The following KIRREL1 variants were observed in gnomAD, a reference collection of about 807,000 sequenced individuals.
The protein encoded by KIRREL1 is kirre like nephrin family adhesion molecule 1.
Under a neutral mutation model 83.3 loss-of-function variants are expected in KIRREL1, and 25 were observed. The ratio of observed to expected loss-of-function variants is 0.30; its 90% CI spans 0.22 to 0.42. The LOEUF is 0.42. KIRREL1 is among the 10% of genes least tolerant of loss of function. The pLI is 1.00. For synonymous variants in KIRREL1, 388 were observed against 410.4 expected, an observed-to-expected ratio of 0.95 and a Z score of 0.66; for missense variants, 812 against 1,032.3, an observed-to-expected ratio of 0.79 and a Z score of 2.92.
chr1:158,055,162 G>A (rs905419129), intron 1 of KIRREL1, among the ~76,000 whole-genome samples: 1 of 152,096 alleles, frequency 6.6e-6, no homozygotes, highest in Non-Finnish European at 1.5e-5. Context: ...GAACAAAGAA[G>A]CCTGGGGTTG....
intron 1 of KIRREL1, among the ~76,000 whole-genome samples, chr1:158,026,867 C>A (rs528782493): frequency 4.3e-4 from 66 of 152,020 alleles, no homozygotes; most frequent in Non-Finnish European, 7.9e-4. Flanking sequence ...TGCTCTGCAC[C>A]CCCCCACCCC....
In KIRREL1 at chr1:158,099,363, C is replaced by T. The variant is rs1205354772; in HGVS notation, c.*4243C>T. ...CTTCTCTTGGCCTCCTCCTATCCCCCTATGGTATTTCTCCTCCTCTCCTCA... is the reference window on the plus strand; with the variant it reads ...CTTCTCTTGGCCTCCTCCTATCCCCTTATGGTATTTCTCCTCCTCTCCTCA... On this transcript the variant is annotated 3_prime_UTR_variant, in exon 15 of 15. Transcript: ENST00000359209. 6.6e-6 allele frequency: 1 copy of T among 152,238 alleles called. No homozygotes were observed. The highest frequency in any genetic ancestry group is 2.4e-5 in the African/African-American group (1 of 41,442). 9.4% of individuals were successfully genotyped at this position (152,238 alleles called of 1,614,324 possible).
chr1:158,016,581 T>A (rs1659832370), intron 1 of KIRREL1, among the ~76,000 whole-genome samples: 2 of 152,190 alleles, frequency 1.3e-5, no homozygotes, highest in African/African-American at 4.8e-5. Context: ...ATAATAATGA[T>A]GATAAATAAT....
rs1373348823 is a variant in KIRREL1 at position 158,094,427 on chromosome 1, G to T, written c.1797+37G>T. On this transcript the variant is annotated intron_variant, in intron 14 of 14. Transcript: ENST00000359209. This position sits in a 1 kb window ranked among gnomAD's most constrained non-coding sequence, Gnocchi z 4.6. The stretch of plus-strand genomic sequence containing the variant: ...GGAAGGGGCCAGGGCATGAGGGCTG[G>T]TGGGCCAGTGGGTTTCTGAGGTCCT... The T allele has an allele frequency of 5.7e-6, 9 of 1,588,210 alleles. No individual in the cohort carries two copies. The highest frequency in any genetic ancestry group is 6.9e-6 in the Non-Finnish European group (8 of 1,159,556).
chr1:158,004,031 G>C (rs1659446901), intron 1 of KIRREL1, among the ~76,000 whole-genome samples: 1 of 152,130 alleles, frequency 6.6e-6, no homozygotes, highest in South Asian at 2.1e-4. Flanking sequence ...CACCTAGAGT[G>C]ACCTCCTCAC....
intron 4 of KIRREL1, among the ~76,000 whole-genome samples, chr1:158,085,710 T>C (rs902099347): frequency 2.0e-5 from 3 of 152,206 alleles, no homozygotes; most frequent in Admixed American, 6.5e-5. Context: ...CAACGGGGTC[T>C]TACTTTGATT....
intron 1 of KIRREL1, among the ~76,000 whole-genome samples, chr1:158,029,989 T>C (rs544908582): frequency 9.8e-5 from 15 of 152,390 alleles, no homozygotes; most frequent in African/African-American, 2.6e-4. Context: ...CATTATCTTC[T>C]AGCTACCATT....
At chr1:158,064,352 G>A (rs1209376047) in intron 1 of KIRREL1, among the ~76,000 whole-genome samples, 1 of 152,132 alleles carries the variant, frequency 6.6e-6, no homozygotes, top group Non-Finnish European at 1.5e-5. Context: ...TTTTTGACCT[G>A]TTCTTCCCCC....
At chr1:158,038,811 A>T (rs951512098) in intron 1 of KIRREL1, among the ~76,000 whole-genome samples, 1 of 152,172 alleles carries the variant, frequency 6.6e-6, no homozygotes, top group Non-Finnish European at 1.5e-5. Context: ...TGTTTTGTTC[A>T]CGGCTGTAAC....
chr1:158,002,844 G>A (rs1260701539), intron 1 of KIRREL1, among the ~76,000 whole-genome samples: 1 of 152,134 alleles, frequency 6.6e-6, no homozygotes, highest in Non-Finnish European at 1.5e-5. Flanking sequence ...GACAATCCCC[G>A]ATTGTACCCC....
chr1:158,048,083 C>G (rs1381455545), intron 1 of KIRREL1, among the ~76,000 whole-genome samples: 1 of 152,152 alleles, frequency 6.6e-6, no homozygotes, highest in Non-Finnish European at 1.5e-5. Flanking sequence ...TGGACCTCAT[C>G]GTGGTCTAAA....
chr1:158,000,200 A>G (rs1197041362), intron 1 of KIRREL1, among the ~76,000 whole-genome samples: 1 of 152,220 alleles, frequency 6.6e-6, no homozygotes, highest in Admixed American at 6.5e-5. Context: ...ATGCCTTCAT[A>G]GTGCAGCTAT....
intron 6 of KIRREL1, 65 bp from the exon 7 acceptor site, chr1:158,087,941 G>GT: frequency 6.2e-7 from 1 of 1,609,702 alleles, no homozygotes; most frequent in Non-Finnish European, 8.5e-7. Flanking sequence ...GGGAGGCCAG[G>GT]TGTCATGGAT....
At chr1:157,994,145 G>A (rs11577787) in intron 1 of KIRREL1, among the ~76,000 whole-genome samples, 1 of 152,326 alleles carries the variant, frequency 6.6e-6, no homozygotes, top group South Asian at 2.1e-4. Flanking sequence ...GATTTCGGGC[G>A]AGGGGGTGAG....
intron 1 of KIRREL1, among the ~76,000 whole-genome samples, chr1:158,011,495 C>G (rs914295168): frequency 4.6e-5 from 7 of 152,272 alleles, no homozygotes; most frequent in Admixed American, 1.3e-4. Context: ...GTGCTGTGCT[C>G]TATTGGGCAC....
intron 1 of KIRREL1, among the ~76,000 whole-genome samples, chr1:158,075,243 G>A (rs1661643961): frequency 6.6e-6 from 1 of 152,158 alleles, no homozygotes; most frequent in African/African-American, 2.4e-5. Context: ...ACAATTAAAG[G>A]CAATTACTCT....
chr1:158,035,512 C>A (rs940850809), intron 1 of KIRREL1, among the ~76,000 whole-genome samples: 8 of 152,260 alleles, frequency 5.3e-5, no homozygotes, highest in Middle Eastern at 3.4e-3. Context: ...ATAATGAGCA[C>A]CTATTCTGCA....
chr1:158,005,510 G>A (rs1296872682), intron 1 of KIRREL1, among the ~76,000 whole-genome samples: 1 of 150,984 alleles, frequency 6.6e-6, no homozygotes, highest in Non-Finnish European at 1.5e-5. Context: ...TGTGCTGGTG[G>A]AAACTCATCC....
chr1:158,091,653 C>G (rs1662201276), intron 11 of KIRREL1, 97 bp downstream of exon 11: 1 of 1,184,668 alleles, frequency 8.4e-7, no homozygotes, highest in Non-Finnish European at 1.2e-6. Flanking sequence ...CTCCCCTTCC[C>G]TTGGGCTCTG....
Sources: allele counts gnomAD v4.1 joint callset (sites outside exome capture counted in the v4.1 genomes callset), GRCh38; gene constraint gnomAD v4.1.1; non-coding constraint Gnocchi (gnomAD v3.1); transcripts MANE v1.5; gene names NCBI Gene and HGNC (gene_info 2026-07-23, HGNC 2026-07-21).